Variants in FAM227B observed in about 807,000 individuals in gnomAD.
FAM227B encodes family with sequence similarity 227 member B.
Under a neutral mutation model 73.8 loss-of-function variants are expected in FAM227B, and 88 were observed. The ratio of observed to expected loss-of-function variants is 1.19; its 90% CI spans 1.00 to 1.42. The LOEUF is 1.42. Among genes scored for constraint, FAM227B ranks in the 40% most tolerant of loss-of-function variants. FAM227B has a pLI of 0.00. For synonymous variants in FAM227B, 210 were observed against 190.5 expected, an observed-to-expected ratio of 1.10 and a Z score of -0.84; for missense variants, 632 against 590.9, an observed-to-expected ratio of 1.07 and a Z score of -0.72.
At chr15:49,575,929 T>G (rs1050742372) in intron 7 of FAM227B, among the ~76,000 whole-genome samples, 1 of 152,204 alleles carries the variant, frequency 6.6e-6, no homozygotes, top group Non-Finnish European at 1.5e-5. Flanking sequence ...ATCTTCTTAG[T>G]CACAAAATGT....
At chr15:49,461,547 T>C (rs2053801872) in intron 11 of FAM227B, among the ~76,000 whole-genome samples, 1 of 152,210 alleles carries the variant, frequency 6.6e-6, no homozygotes, top group African/African-American at 2.4e-5. Context: ...GTCTTGTCTA[T>C]CTCTTTGAAA....
At chr15:49,466,765 G>C (rs909213309) in intron 11 of FAM227B, among the ~76,000 whole-genome samples, 1 of 152,156 alleles carries the variant, frequency 6.6e-6, no homozygotes, top group African/African-American at 2.4e-5. Context: ...ATTGTTTCTG[G>C]TAAGAGCTTG....
At chr15:49,608,833 G>A (rs1002141558) in intron 3 of FAM227B, among the ~76,000 whole-genome samples, 1 of 151,856 alleles carries the variant, frequency 6.6e-6, no homozygotes, top group East Asian at 1.9e-4. Flanking sequence ...GATAAAAGTT[G>A]CATGGACACA....
intron 11 of FAM227B, among the ~76,000 whole-genome samples, chr15:49,381,624 T>C (rs2046538815): frequency 6.6e-6 from 1 of 152,216 alleles, no homozygotes; most frequent in African/African-American, 2.4e-5. Context: ...TTTTAGTAGA[T>C]ATTCCCACCA....
At chr15:49,348,790 ATATT>A (rs1313669223) in intron 13 of FAM227B, among the ~76,000 whole-genome samples, 12 of 152,182 alleles carry the variant, frequency 7.9e-5, no homozygotes, top group African/African-American at 2.7e-4. Flanking sequence ...TTGACCAACA[ATATT>A]TATAGCAAGA....
intron 11 of FAM227B, chr15:49,424,716 A>G: frequency 1.4e-6 from 1 of 713,040 alleles, no homozygotes; most frequent in South Asian, 2.3e-5. Context: ...ATTTCTCTAA[A>G]TTGAACTATG....
chr15:49,519,307 C>G (rs2059613124), intron 10 of FAM227B, among the ~76,000 whole-genome samples: 1 of 152,142 alleles, frequency 6.6e-6, no homozygotes, highest in African/African-American at 2.4e-5. Flanking sequence ...AGCTACAATT[C>G]TGGGGTCTAG....
At chr15:49,557,833 C>T (rs2073870518) in intron 9 of FAM227B, among the ~76,000 whole-genome samples, 1 of 152,218 alleles carries the variant, frequency 6.6e-6, no homozygotes, top group Non-Finnish European at 1.5e-5. Context: ...CCATTGAAGC[C>T]CACATGGGGC....
At chr15:49,558,881 C>T (rs12901023) in intron 9 of FAM227B, among the ~76,000 whole-genome samples, 7,970 of 152,152 alleles carry the variant, frequency 0.052, 360 homozygotes, top group East Asian at 0.23. Context: ...TAACCAGTCA[C>T]CACCACCAGA....
At chr15:49,578,737 T>C (rs558016816) in intron 5 of FAM227B, among the ~76,000 whole-genome samples, 153 of 152,206 alleles carry the variant, frequency 1.0e-3, no homozygotes, top group South Asian at 2.7e-3. Context: ...AAAAATGAGA[T>C]CAAATATGAT....
intron 10 of FAM227B, among the ~76,000 whole-genome samples, chr15:49,534,249 C>T (rs946167541): frequency 2.0e-5 from 3 of 151,806 alleles, no homozygotes; most frequent in Non-Finnish European, 4.4e-5. Flanking sequence ...TCCCAATAAA[C>T]TCTACTTAAA....
At position 49,476,232 on chromosome 15, in the gene FAM227B, G is replaced by GTTTTTTTTTTTTTTTT; in HGVS notation, c.1012+31978_1012+31979insAAAAAAAAAAAAAAAA. On this transcript the variant is annotated intron_variant, in intron 11 of 15. Coordinates refer to ENST00000299338, the MANE Select transcript of FAM227B (RefSeq NM_152647.3). ...TTGCTGTTTTGTTTTTTTGTTTTTG[G>GTTTTTTTTTTTTTTTT]TTTTTTTTTTTTTGCATTTGGCATA... Among the ~76,000 whole-genome samples the GTTTTTTTTTTTTTTTT allele has an allele frequency of 2.9e-3, 165 of 57,372 alleles. 23 individuals carry two copies. The highest frequency in any genetic ancestry group is 4.5e-3 in the Non-Finnish European group (122 of 27,410). 37.6% of individuals were successfully genotyped at this position (57,372 alleles called of 152,430 possible).
intron 11 of FAM227B, among the ~76,000 whole-genome samples, chr15:49,441,656 C>T (rs1005858080): frequency 6.6e-6 from 1 of 151,774 alleles, no homozygotes; most frequent in Non-Finnish European, 1.5e-5. Flanking sequence ...AGGGGCTCCA[C>T]ATCATTTCAT....
intron 13 of FAM227B, among the ~76,000 whole-genome samples, chr15:49,356,742 C>T (rs1341814711): frequency 9.0e-5 from 4 of 44,686 alleles, no homozygotes; most frequent in African/African-American, 4.0e-4. Flanking sequence ...ACCTAATAGA[C>T]ATCTACAGAA....
At chr15:49,371,150 C>A in intron 12 of FAM227B, 152 bp downstream of exon 12, 1 of 413,528 alleles carries the variant, frequency 2.4e-6, no homozygotes, top group Non-Finnish European at 4.3e-6. Flanking sequence ...AAGATTAAAC[C>A]TCAAACAAAT....
chr15:49,596,664 G>C (rs1486392191), intron 3 of FAM227B, among the ~76,000 whole-genome samples: 3 of 151,828 alleles, frequency 2.0e-5, no homozygotes, highest in African/African-American at 7.2e-5. Context: ...GCTCCACTTA[G>C]AAGATACAGA....
At chr15:49,332,828 T>C (rs2039039503) in intron 14 of FAM227B, among the ~76,000 whole-genome samples, 1 of 152,204 alleles carries the variant, frequency 6.6e-6, no homozygotes, top group Non-Finnish European at 1.5e-5. Flanking sequence ...GTTAGACTAG[T>C]GCACCCCTGA....
At chr15:49,523,451 G>A (rs898480710) in intron 10 of FAM227B, among the ~76,000 whole-genome samples, 5 of 152,142 alleles carry the variant, frequency 3.3e-5, no homozygotes, top group Admixed American at 6.6e-5. Context: ...CTTCCACCAC[G>A]ATTGTGAGGC....
chr15:49,407,266 A>G (rs73398258), intron 11 of FAM227B, among the ~76,000 whole-genome samples: 18,639 of 152,158 alleles, frequency 0.12, 3,204 homozygotes, highest in African/African-American at 0.38. Flanking sequence ...CTCCTGCACT[A>G]AGGCCCATGG....
Sources: gnomAD v4.1 joint callset for allele counts (sites outside exome capture counted in the v4.1 genomes callset) on GRCh38, gnomAD v4.1.1 for gene constraint, MANE v1.5 for transcripts, NCBI Gene and HGNC (gene_info 2026-07-23, HGNC 2026-07-21) for gene names.